Variants in PDZD2 observed in about 807,000 individuals in gnomAD.
PDZD2 encodes PDZ domain-containing protein 2.
PDZD2 carries 90 observed loss-of-function variants against 220.7 expected under a neutral mutation model. The observed-to-expected ratio is 0.41, with a 90% CI of 0.34 to 0.49. The LOEUF (loss-of-function observed/expected upper bound fraction) is 0.49. Ranked by LOEUF, PDZD2 falls within the 20% of genes least tolerant of loss-of-function variation. The pLI is 0.28. For synonymous variants in PDZD2, 1,375 were observed against 1,450.5 expected, an observed-to-expected ratio of 0.95 and a Z score of 1.18; for missense variants, 3,174 against 3,608.5, an observed-to-expected ratio of 0.88 and a Z score of 3.08.
intron 2 of PDZD2, among the ~76,000 whole-genome samples, chr5:31,933,099 C>T (rs1422892760): frequency 6.6e-6 from 1 of 152,026 alleles, no homozygotes; most frequent in East Asian, 1.9e-4. Context: ...TTAGTAGAGA[C>T]GGGGTTTCAC....
chr5:31,722,186 T>C (rs1748848882), intron 1 of PDZD2, among the ~76,000 whole-genome samples: 1 of 152,192 alleles, frequency 6.6e-6, no homozygotes, highest in Non-Finnish European at 1.5e-5. Flanking sequence ...TGCATAAAAC[T>C]TTCCAGTGCT....
In PDZD2 at chr5:31,646,082, T is replaced by C. The variant is rs955676984; in HGVS notation, c.-361+6645T>C. On this transcript the variant is annotated intron_variant, in intron 1 of 24. Transcript: ENST00000438447. This position sits in a 1 kb window ranked among gnomAD's most constrained non-coding sequence, Gnocchi z 4.7. ...CTCACTACTGTCACTCCTAGGGAGA[T>C]CTCAGGATACCTAGGCGGAAGAAAA... Among the ~76,000 whole-genome samples, 2 of 152,014 alleles carry C rather than the reference T, an allele frequency of 1.3e-5. No homozygotes were observed. Among genetic ancestry groups the C allele is most frequent in the Admixed American group, 6.6e-5 (1 of 15,246 alleles).
At chr5:31,833,293 C>G (rs1756728051) in intron 2 of PDZD2, among the ~76,000 whole-genome samples, 1 of 152,066 alleles carries the variant, frequency 6.6e-6, no homozygotes, top group African/African-American at 2.4e-5. Context: ...CATGGCAAAA[C>G]CACGTCTCTA....
At chr5:31,854,943 C>T (rs1021145099) in intron 2 of PDZD2, 2 of 984,520 alleles carry the variant, frequency 2.0e-6, no homozygotes, top group Non-Finnish European at 2.4e-6. Flanking sequence ...AGACCTGGAG[C>T]CGGCGGAGAG....
Position 32,087,458 on chromosome 5 carries a change from G to A in PDZD2, c.4010G>A (p.Gly1337Asp). 2 of 1,614,034 alleles carry A rather than the reference G, an allele frequency of 1.2e-6. No homozygotes were observed. The highest frequency in any genetic ancestry group is 1.7e-6 in the Non-Finnish European group (2 of 1,179,936). ...GPGAEGMTPA[G>D]AVLPGDPLTS... ...GGAGCAGAGGGAATGACACCAGCTG[G>A]TGCTGTCCTGCCAGGAGACCCCCTC... is the stretch of plus-strand genomic sequence containing the variant. The change falls in exon 20 of 25, where the codon GGT (glycine) becomes GAT (aspartate). Residue 1337 changes from glycine (G) to aspartate (D), a missense_variant. Physicochemically the swap from Gly to Asp is moderately conservative, Grantham distance 94 (BLOSUM62 -1). This residue lies in a region of PDZD2 where 1,861 missense variants were observed against 2,001.0 expected (regional missense o/e 0.93). Transcript: ENST00000438447. The surrounding 1 kb of genome is among the most constrained non-coding windows in gnomAD (Gnocchi z 4.0).
chr5:31,697,294 C>G (rs1250119026), intron 1 of PDZD2, among the ~76,000 whole-genome samples: 1 of 152,156 alleles, frequency 6.6e-6, no homozygotes, highest in Non-Finnish European at 1.5e-5. Context: ...GAAACCCCGT[C>G]TCTACTAAAA....
intron 6 of PDZD2, among the ~76,000 whole-genome samples, chr5:32,026,352 G>T (rs1196076058): frequency 1.3e-5 from 2 of 152,068 alleles, no homozygotes; most frequent in Admixed American, 6.5e-5. Flanking sequence ...GCCCAGGCTG[G>T]TCTTGAACTC....
intron 2 of PDZD2, chr5:31,832,512 T>C (rs12697261): frequency 0.54 from 82,505 of 151,608 alleles, 22,834 homozygotes; most frequent in Middle Eastern, 0.61. Context: ...TGCTCAAGGA[T>C]TTTTAAAAAT....
intron 4 of PDZD2, among the ~76,000 whole-genome samples, chr5:31,997,308 G>A (rs1478424226): frequency 1.3e-5 from 2 of 152,198 alleles, no homozygotes; most frequent in Non-Finnish European, 2.9e-5. Context: ...GAAGGAGCTG[G>A]AGATAGTCTG....
chr5:32,006,666 T>G (rs1300676966), intron 5 of PDZD2, among the ~76,000 whole-genome samples: 2 of 149,190 alleles, frequency 1.3e-5, no homozygotes, highest in Non-Finnish European at 3.0e-5. Context: ...CATGAACCAC[T>G]GCCAGGCTCA....
At chr5:32,017,190 A>C (rs978074859) in intron 6 of PDZD2, among the ~76,000 whole-genome samples, 2 of 152,208 alleles carry the variant, frequency 1.3e-5, no homozygotes, top group Non-Finnish European at 2.9e-5. Flanking sequence ...TAACCCCAGC[A>C]CTTTGGAAGG....
At chr5:31,908,271 C>T (rs1742857547) in intron 2 of PDZD2, 1 of 211,736 alleles carries the variant, frequency 4.7e-6, no homozygotes, top group South Asian at 1.8e-4. Context: ...AAGGCCCCGC[C>T]CCCGCTCCCC....
At chr5:32,065,887 G>A (rs188759928) in intron 14 of PDZD2, among the ~76,000 whole-genome samples, 219 of 152,148 alleles carry the variant, frequency 1.4e-3, no homozygotes, top group African/African-American at 4.8e-3. Flanking sequence ...TTAGCTGGGC[G>A]TGGTGGCAGG....
At chr5:32,092,504 A>G (rs1581478876) in intron 20 of PDZD2, among the ~76,000 whole-genome samples, 1 of 148,786 alleles carries the variant, frequency 6.7e-6, no homozygotes, top group Non-Finnish European at 1.5e-5. Flanking sequence ...CCCAGGAGGT[A>G]GAGGTTGCAG....
intron 1 of PDZD2, among the ~76,000 whole-genome samples, chr5:31,780,183 G>A (rs2150208502): frequency 6.6e-6 from 1 of 152,224 alleles, no homozygotes; most frequent in South Asian, 2.1e-4. Flanking sequence ...CTTGGAGCCT[G>A]GGGACGAGCT....
chr5:31,950,872 T>C (rs1227859607), intron 2 of PDZD2, among the ~76,000 whole-genome samples: 1 of 152,218 alleles, frequency 6.6e-6, no homozygotes, highest in African/African-American at 2.4e-5. Flanking sequence ...TGGATGTCTA[T>C]TAAAAAATAC....
At chr5:32,032,924 T>G (rs192621500) in intron 6 of PDZD2, among the ~76,000 whole-genome samples, 1 of 152,310 alleles carries the variant, frequency 6.6e-6, no homozygotes, top group African/African-American at 2.4e-5. Flanking sequence ...TGCTTCTTCA[T>G]TGAGTGCTGT....
chr5:31,927,929 C>T (rs1475037432), intron 2 of PDZD2, among the ~76,000 whole-genome samples: 1 of 152,158 alleles, frequency 6.6e-6, no homozygotes, highest in African/African-American at 2.4e-5. Flanking sequence ...CAGGGTGACT[C>T]ATTGCCTTCC....
rs760324639 is a variant in PDZD2 at position 31,983,459 on chromosome 5, G to T, written c.781G>T (p.Gly261Cys). ...CGGCCCTGACCCTGAACTTGGAAAC[G>T]GCCATGTCTTTCAGCTAGAAAATGG... The part of the protein sequence containing the change: ...ENGPDPELGN[G>C]HVFQLENGPD... The change falls in exon 3 of 25, where the codon GGC becomes TGC. Residue 261 changes from glycine to cysteine, a missense_variant. Transcript: ENST00000438447. The T allele has an allele frequency of 6.2e-7, 1 of 1,614,178 alleles. No individual in the cohort carries two copies. The highest frequency in any genetic ancestry group is 2.2e-5 in the East Asian group (1 of 44,882).
Sources: allele counts gnomAD v4.1 joint callset (sites outside exome capture counted in the v4.1 genomes callset), GRCh38; gene constraint gnomAD v4.1.1; regional missense constraint gnomAD v4.1.1; non-coding constraint Gnocchi (gnomAD v3.1); transcripts MANE v1.5; gene names NCBI Gene and HGNC (gene_info 2026-07-23, HGNC 2026-07-21).